Variants in EEFSEC observed in about 807,000 individuals in gnomAD.
EEFSEC encodes selenocysteine-specific elongation factor.
EEFSEC carries 43 observed loss-of-function variants against 42.1 expected under a neutral mutation model. The ratio of observed to expected loss-of-function variants is 1.02; its 90% CI spans 0.80 to 1.32. EEFSEC has a LOEUF of 1.32. Among genes scored for constraint, EEFSEC ranks in the 40% most tolerant of loss-of-function variants. The pLI is 0.00. For synonymous variants in EEFSEC, 354 were observed against 339.1 expected (o/e 1.04, Z -0.48); for missense variants, 745 against 803.6 (o/e 0.93, Z 0.88).
intron 5 of EEFSEC, among the ~76,000 whole-genome samples, chr3:128,342,245 C>T (rs905837896): frequency 9.2e-5 from 14 of 152,364 alleles, no homozygotes; most frequent in Non-Finnish European, 1.6e-4. Context: ...GCACTGGCTT[C>T]CCTGGCCTGC....
chr3:128,314,275 T>C (rs760812630), intron 4 of EEFSEC, among the ~76,000 whole-genome samples: 20 of 152,244 alleles, frequency 1.3e-4, no homozygotes, highest in Admixed American at 1.1e-3. Flanking sequence ...AGGAACTCTT[T>C]CTTTTTTCTC....
At position 128,278,816 on chromosome 3, in the gene EEFSEC, T is replaced by G. The variant is rs138531538; in HGVS notation, c.786+14035T>G. ...TTTCTAGGGACACTCTGGGAGAAGC[T>G]GCCCAGCCTGCATGGTGCTAGTGCC... is the stretch of plus-strand genomic sequence containing the variant. On this transcript the variant is annotated intron_variant, in intron 4 of 6. Transcript: ENST00000254730. Among the ~76,000 whole-genome samples the G allele has an allele frequency of 2.4e-3, 364 of 152,294 alleles. 2 individuals carry two copies. Among genetic ancestry groups the G allele is most frequent in the South Asian group, 0.011 (53 of 4,828 alleles).
At chr3:128,358,484 G>T in intron 6 of EEFSEC, 111 bp downstream of exon 6, 2 of 1,476,808 alleles carry the variant, frequency 1.4e-6, no homozygotes, top group Non-Finnish European at 1.8e-6. Flanking sequence ...TCCTGCCTTT[G>T]CCGAGACACG....
intron 1 of EEFSEC, among the ~76,000 whole-genome samples, chr3:128,154,188 A>G (rs1944323094): frequency 6.6e-6 from 1 of 152,110 alleles, no homozygotes; most frequent in Non-Finnish European, 1.5e-5. Context: ...GGCTGTCTTC[A>G]TTCACCTGTC....
At chr3:128,225,855 C>T (rs1198115152) in intron 1 of EEFSEC, among the ~76,000 whole-genome samples, 1 of 152,234 alleles carries the variant, frequency 6.6e-6, no homozygotes, top group Non-Finnish European at 1.5e-5. Flanking sequence ...AGCACTTGCT[C>T]AGTGTCCTGT....
intron 6 of EEFSEC, among the ~76,000 whole-genome samples, chr3:128,405,707 G>A (rs1030884959): frequency 3.9e-5 from 6 of 152,262 alleles, no homozygotes; most frequent in African/African-American, 1.4e-4. Context: ...AGCTAGTACT[G>A]GGCAGGACTG....
chr3:128,364,413 G>A (rs749833350), intron 6 of EEFSEC, among the ~76,000 whole-genome samples: 7 of 152,200 alleles, frequency 4.6e-5, no homozygotes, highest in Non-Finnish European at 8.8e-5. Flanking sequence ...GCAGAAGGGC[G>A]AGCGGGGAGC....
At chr3:128,288,892 C>T (rs2066613866) in intron 4 of EEFSEC, among the ~76,000 whole-genome samples, 1 of 152,230 alleles carries the variant, frequency 6.6e-6, no homozygotes, top group African/African-American at 2.4e-5. Flanking sequence ...ACATTTGCAG[C>T]TCCTCATGGG....
At chr3:128,268,673 G>T (rs920873640) in intron 4 of EEFSEC, among the ~76,000 whole-genome samples, 3 of 152,084 alleles carry the variant, frequency 2.0e-5, no homozygotes, top group Non-Finnish European at 4.4e-5. Flanking sequence ...GTCACAGAGA[G>T]AAGTCCATAT....
chr3:128,282,372 G>C (rs542093926), intron 4 of EEFSEC, among the ~76,000 whole-genome samples: 61 of 152,346 alleles, frequency 4.0e-4, no homozygotes, highest in African/African-American at 1.4e-3. Flanking sequence ...GACCAAATTT[G>C]TTTGCTTAAG....
intron 1 of EEFSEC, among the ~76,000 whole-genome samples, chr3:128,196,612 A>G (rs1185250564): frequency 6.6e-6 from 1 of 152,182 alleles, no homozygotes; most frequent in Non-Finnish European, 1.5e-5. Flanking sequence ...CATGCCATTA[A>G]TCACTTTCTG....
intron 5 of EEFSEC, among the ~76,000 whole-genome samples, chr3:128,348,354 G>A (rs2067342469): frequency 6.6e-6 from 1 of 151,424 alleles, no homozygotes; most frequent in Admixed American, 6.6e-5. Flanking sequence ...ATTTGATTAA[G>A]GCTGTTTCTC....
At chr3:128,156,040 G>A (rs1559846229) in intron 1 of EEFSEC, among the ~76,000 whole-genome samples, 2 of 152,216 alleles carry the variant, frequency 1.3e-5, no homozygotes, top group Non-Finnish European at 2.9e-5. Flanking sequence ...GACTGGAGGT[G>A]GAAGGCAGAG....
intron 1 of EEFSEC, among the ~76,000 whole-genome samples, chr3:128,195,034 C>T (rs1008408112): frequency 2.0e-5 from 3 of 152,158 alleles, no homozygotes; most frequent in Admixed American, 6.5e-5. Flanking sequence ...CTTTTCTCCT[C>T]CTCCCACCCC....
At position 128,293,679 on chromosome 3, in the gene EEFSEC, A is replaced by AAAAAAAC. The variant is rs1553752143; in HGVS notation, c.786+28904_786+28905insCAAAAAA. ...CTATCTCAAAAAAAAAAAAAAAAAA[A>AAAAAAAC]AAAAAAAACTTCCCTTATAGGATCA... On this transcript the variant is annotated intron_variant, in intron 4 of 6. Transcript: ENST00000254730. Among the ~76,000 whole-genome samples the AAAAAAAC allele has an allele frequency of 2.0e-3, 266 of 133,452 alleles. 10 individuals are homozygous for AAAAAAAC. The highest frequency in any genetic ancestry group is 4.0e-3 in the South Asian group (17 of 4,216). 87.5% of individuals were successfully genotyped at this position (133,452 alleles called of 152,430 possible). A position where few individuals can be genotyped will look rare whatever the true frequency, so the allele number is the denominator to read the frequency against.
chr3:128,277,441 C>T lies in EEFSEC; in HGVS notation c.786+12660C>T, dbSNP rs56697495. 8.9e-3 allele frequency among the ~76,000 whole-genome samples: 1,361 copies of T among 152,222 alleles called. 27 individuals carry two copies. Among genetic ancestry groups the T allele is most frequent in the African/African-American group, 0.03 (1,263 of 41,526 alleles). Reference sequence around the variant, plus strand: ...TGTTTATAAATAAATTCCAGCCTTTCAAAGTTTGGGTGTTTTTTGTTTTTG... The same window carrying T: ...TGTTTATAAATAAATTCCAGCCTTTTAAAGTTTGGGTGTTTTTTGTTTTTG... On this transcript the variant is annotated intron_variant, in intron 4 of 6. Coordinates refer to ENST00000254730, the MANE Select transcript of EEFSEC (RefSeq NM_021937.5).
rs115882745 is a variant in EEFSEC at position 128,220,816 on chromosome 3, A to G, written c.317-26020A>G. Among the ~76,000 whole-genome samples the G allele has an allele frequency of 6.4e-3, 979 of 152,288 alleles. 13 individuals carry two copies. Among genetic ancestry groups the G allele is most frequent in the African/African-American group, 0.022 (927 of 41,574 alleles). Reference sequence around the variant, plus strand: ...GCCTGTGTTTCCTCTTCAGTGCTGTATGTGCATTGCTGCCAGTTCTTATGC... The same window carrying G: ...GCCTGTGTTTCCTCTTCAGTGCTGTGTGTGCATTGCTGCCAGTTCTTATGC... On this transcript the variant is annotated intron_variant, in intron 1 of 6. Transcript: ENST00000254730.
chr3:128,401,191 G>A (rs1218502306), intron 6 of EEFSEC, among the ~76,000 whole-genome samples: 1 of 152,200 alleles, frequency 6.6e-6, no homozygotes, highest in East Asian at 1.9e-4. Flanking sequence ...ACCCGAGCCT[G>A]GACTTCTTTC....
intron 6 of EEFSEC, among the ~76,000 whole-genome samples, chr3:128,395,883 T>C (rs563772204): frequency 6.6e-6 from 1 of 152,334 alleles, no homozygotes; most frequent in Admixed American, 6.5e-5. Context: ...ATGTGTCTTA[T>C]TCCCACCATC....
Sources: gnomAD v4.1 joint callset for allele counts (sites outside exome capture counted in the v4.1 genomes callset) on GRCh38, gnomAD v4.1.1 for gene constraint, MANE v1.5 for transcripts, NCBI Gene and HGNC (gene_info 2026-07-23, HGNC 2026-07-21) for gene names.